Variants in EYS observed in about 807,000 individuals in gnomAD.
EYS encodes protein eyes shut homolog.
A neutral mutation model predicts 282.1 loss-of-function variants in EYS; 250 were observed. The observed-to-expected ratio is 0.89, with a 90% CI of 0.80 to 0.98. The LOEUF is 0.98. EYS is among the 50% of genes least tolerant of loss of function. The pLI is 0.00. For missense variants in EYS, 4,016 were observed against 3,709.0 expected (o/e 1.08, Z -2.15); for synonymous variants, 1,355 against 1,282.9 (o/e 1.06, Z -1.20).
At chr6:64,390,271 C>G (rs1400587111) in intron 28 of EYS, among the ~76,000 whole-genome samples, 1 of 152,160 alleles carries the variant, frequency 6.6e-6, no homozygotes, top group East Asian at 1.9e-4. Flanking sequence ...TGGAGCCCAC[C>G]ACAGCTCAAG....
intron 35 of EYS, among the ~76,000 whole-genome samples, chr6:63,926,803 G>T (rs1764729259): frequency 1.3e-5 from 2 of 152,200 alleles, no homozygotes; most frequent in African/African-American, 4.8e-5. Context: ...ACTTATTGCT[G>T]TCATTACTAT....
intron 31 of EYS, among the ~76,000 whole-genome samples, chr6:64,220,939 T>G (rs953490174): frequency 6.6e-6 from 1 of 152,116 alleles, no homozygotes; most frequent in Non-Finnish European, 1.5e-5. Flanking sequence ...TAATATTTAC[T>G]TCAAAATCAC....
intron 33 of EYS, among the ~76,000 whole-genome samples, chr6:64,018,111 TACAC>T (rs888138555): frequency 6.6e-6 from 1 of 151,934 alleles, no homozygotes; most frequent in Non-Finnish European, 1.5e-5. Flanking sequence ...TACACACTTA[TACAC>T]ACACACACAT....
At chr6:65,024,024 C>T (rs944711031) in intron 13 of EYS, among the ~76,000 whole-genome samples, 11 of 152,080 alleles carry the variant, frequency 7.2e-5, no homozygotes, top group African/African-American at 2.4e-4. Context: ...TGCCATAGCC[C>T]TCTTCTTTAA....
intron 11 of EYS, among the ~76,000 whole-genome samples, chr6:65,320,323 C>T (rs1424420168): frequency 6.6e-6 from 1 of 151,974 alleles, no homozygotes; most frequent in African/African-American, 2.4e-5. Context: ...ACCAGGAGCT[C>T]AGGTCCCTCA....
At chr6:65,163,139 C>T (rs1373510742) in intron 12 of EYS, among the ~76,000 whole-genome samples, 1 of 151,130 alleles carries the variant, frequency 6.6e-6, no homozygotes, top group African/African-American at 2.4e-5. Context: ...CTTTATGCAC[C>T]TCTTGAGTTC....
At chr6:64,303,255 A>C (rs1307453728) in intron 30 of EYS, among the ~76,000 whole-genome samples, 2 of 152,262 alleles carry the variant, frequency 1.3e-5, no homozygotes, top group Non-Finnish European at 2.9e-5. Flanking sequence ...GTAACAGCAC[A>C]CATGGAACTA....
intron 31 of EYS, among the ~76,000 whole-genome samples, chr6:64,135,787 A>T (rs1465197180): frequency 1.3e-5 from 2 of 152,140 alleles, no homozygotes; most frequent in East Asian, 3.8e-4. Flanking sequence ...TTCATTGCCA[A>T]AAAATGCTCA....
chr6:65,671,637 G>T (rs896124715), intron 1 of EYS, among the ~76,000 whole-genome samples: 3 of 152,056 alleles, frequency 2.0e-5, no homozygotes, highest in African/African-American at 4.8e-5. Flanking sequence ...TCAACAATAT[G>T]CAAAACATTC....
At chr6:65,623,798 T>C (rs1433147848) in intron 2 of EYS, among the ~76,000 whole-genome samples, 1 of 152,232 alleles carries the variant, frequency 6.6e-6, no homozygotes, top group Non-Finnish European at 1.5e-5. Flanking sequence ...AAATGGTGCA[T>C]AGTGTTTACT....
intron 23 of EYS, among the ~76,000 whole-genome samples, chr6:64,618,262 G>GTAGA (rs1767337087): frequency 6.6e-6 from 1 of 152,072 alleles, no homozygotes; most frequent in South Asian, 2.1e-4. Context: ...GCTTTACTGG[G>GTAGA]TAGATATTAG....
At chr6:65,370,403 G>T in intron 8 of EYS, among the ~76,000 whole-genome samples, 1 of 145,364 alleles carries the variant, frequency 6.9e-6, no homozygotes, top group Admixed American at 7.4e-5. Flanking sequence ...CTATGGATGC[G>T]TGCCACCAGA....
chr6:65,245,849 G>T (rs1337364259), intron 12 of EYS, among the ~76,000 whole-genome samples: 1 of 151,876 alleles, frequency 6.6e-6, no homozygotes, highest in Non-Finnish European at 1.5e-5. Flanking sequence ...TTCTGGCCAT[G>T]GGGGGAAGAT....
intron 19 of EYS, among the ~76,000 whole-genome samples, chr6:64,881,257 C>G (rs900220521): frequency 6.6e-6 from 1 of 151,570 alleles, no homozygotes; most frequent in African/African-American, 2.4e-5. Flanking sequence ...ATATGAGAAG[C>G]CTAAAATAGA....
chr6:64,939,572 T>C (rs1295734353), intron 15 of EYS, among the ~76,000 whole-genome samples: 2 of 152,012 alleles, frequency 1.3e-5, no homozygotes, highest in Non-Finnish European at 2.9e-5. Context: ...AATACCATGT[T>C]GGACAATAAA....
chr6:65,140,772 C>CA (rs1764316358), intron 12 of EYS, among the ~76,000 whole-genome samples: 1 of 151,852 alleles, frequency 6.6e-6, no homozygotes, highest in African/African-American at 2.4e-5. Context: ...CAGAGAAATG[C>CA]AAATCAAAAC....
chr6:65,396,992 T>G (rs1438538906), intron 7 of EYS, among the ~76,000 whole-genome samples: 1 of 151,820 alleles, frequency 6.6e-6, no homozygotes, highest in Non-Finnish European at 1.5e-5. Context: ...TTTATTAGCT[T>G]CTCTAATAAT....
At chr6:65,543,774 T>C (rs2127324205) in intron 2 of EYS, among the ~76,000 whole-genome samples, 1 of 152,276 alleles carries the variant, frequency 6.6e-6, no homozygotes. Context: ...TGAATCACAA[T>C]TTGTTAGTTT....
chr6:63,760,592 A>T (rs962552019), intron 41 of EYS, among the ~76,000 whole-genome samples: 1 of 151,954 alleles, frequency 6.6e-6, no homozygotes, highest in African/African-American at 2.4e-5. Flanking sequence ...TTCTTTCTGT[A>T]AAATCTCATT....
Sources: gnomAD v4.1 joint callset for allele counts (sites outside exome capture counted in the v4.1 genomes callset) on GRCh38, gnomAD v4.1.1 for gene constraint, MANE v1.5 for transcripts, NCBI Gene and HGNC (gene_info 2026-07-23, HGNC 2026-07-21) for gene names.